Variants in EYS observed in about 807,000 individuals in gnomAD.
EYS encodes protein eyes shut homolog.
Under a neutral mutation model 282.1 loss-of-function variants are expected in EYS, and 250 were observed. The observed-to-expected ratio is 0.89, with a 90% CI of 0.80 to 0.98. The LOEUF (loss-of-function observed/expected upper bound fraction) is 0.98. Among genes scored for constraint, EYS ranks in the 50% least tolerant of loss-of-function variants. EYS has a pLI of 0.00. For missense variants in EYS, 4,016 were observed against 3,709.0 expected (o/e 1.08, Z -2.15); for synonymous variants, 1,355 against 1,282.9 (o/e 1.06, Z -1.20).
At chr6:63,791,647 A>C (rs1770516921) in intron 37 of EYS, among the ~76,000 whole-genome samples, 3 of 152,018 alleles carry the variant, frequency 2.0e-5, no homozygotes, top group African/African-American at 7.2e-5. Flanking sequence ...TGCCTGTGGC[A>C]GGAAAGGAAA....
intron 5 of EYS, among the ~76,000 whole-genome samples, chr6:65,429,471 A>G (rs1767794368): frequency 6.6e-6 from 1 of 152,200 alleles, no homozygotes; most frequent in South Asian, 2.1e-4. Flanking sequence ...TTCATTTCTT[A>G]TAGCCTTATA....
chr6:64,253,178 T>A, intron 30 of EYS, among the ~76,000 whole-genome samples: 1 of 152,282 alleles, frequency 6.6e-6, no homozygotes, highest in East Asian at 1.9e-4. Context: ...TAGTTTAAAT[T>A]AAAATTTAAT....
chr6:65,287,610 C>A (rs1768402007), intron 12 of EYS, among the ~76,000 whole-genome samples: 2 of 150,794 alleles, frequency 1.3e-5, no homozygotes, highest in Admixed American at 6.6e-5. Flanking sequence ...TGGGAGAAAC[C>A]AATTTAGAAT....
intron 12 of EYS, among the ~76,000 whole-genome samples, chr6:65,143,018 A>G (rs1338997125): frequency 2.0e-5 from 3 of 152,034 alleles, no homozygotes; most frequent in African/African-American, 7.2e-5. Context: ...CTGTCCAGAA[A>G]TTCCATTTCT....
chr6:64,936,574 C>T (rs544197832), intron 15 of EYS, among the ~76,000 whole-genome samples: 73 of 151,454 alleles, frequency 4.8e-4, no homozygotes, highest in Non-Finnish European at 8.1e-4. Flanking sequence ...AATAAGTTTA[C>T]TGATGTTGAA....
At chr6:64,661,098 C>G (rs1403272163) in intron 22 of EYS, among the ~76,000 whole-genome samples, 1 of 152,164 alleles carries the variant, frequency 6.6e-6, no homozygotes, top group Non-Finnish European at 1.5e-5. Flanking sequence ...CTACAACCAT[C>G]TGATCTTTGA....
chr6:64,796,799 T>C (rs937286245), intron 22 of EYS, among the ~76,000 whole-genome samples: 1 of 152,158 alleles, frequency 6.6e-6, no homozygotes, highest in Non-Finnish European at 1.5e-5. Context: ...TAGACACCGT[T>C]TAAGCCTCAG....
chr6:65,425,960 T>G (rs1767644657), intron 5 of EYS, among the ~76,000 whole-genome samples: 1 of 152,054 alleles, frequency 6.6e-6, no homozygotes, highest in Non-Finnish European at 1.5e-5. Context: ...GACTTCTTAA[T>G]AAGTCAAACA....
chr6:65,365,610 T>A (rs12213559), intron 8 of EYS, among the ~76,000 whole-genome samples: 1 of 151,242 alleles, frequency 6.6e-6, no homozygotes, highest in Non-Finnish European at 1.5e-5. Context: ...ATGGCCTGTC[T>A]TCCTCAACAT....
intron 31 of EYS, among the ~76,000 whole-genome samples, chr6:64,203,462 G>A (rs1453712731): frequency 1.3e-5 from 2 of 152,160 alleles, no homozygotes; most frequent in African/African-American, 4.8e-5. Flanking sequence ...TGCAGGTCAA[G>A]GGAAGCTTTT....
At chr6:64,450,122 C>T (rs1485626493) in intron 26 of EYS, among the ~76,000 whole-genome samples, 1 of 151,796 alleles carries the variant, frequency 6.6e-6, no homozygotes, top group Admixed American at 6.6e-5. Flanking sequence ...ATCTCGCATG[C>T]AGAGACACAC....
intron 22 of EYS, among the ~76,000 whole-genome samples, chr6:64,728,344 T>A (rs534292809): frequency 1.8e-3 from 269 of 152,348 alleles, no homozygotes; most frequent in Non-Finnish European, 3.2e-3. Flanking sequence ...ATTTATTTTT[T>A]ATTTTTTTGA....
At chr6:65,446,499 T>C (rs1768662965) in intron 5 of EYS, among the ~76,000 whole-genome samples, 1 of 151,854 alleles carries the variant, frequency 6.6e-6, no homozygotes, top group Non-Finnish European at 1.5e-5. Flanking sequence ...CATTGCTGTG[T>C]ACACAGAATT....
Position 64,626,233 on chromosome 6 carries a change from T to C in EYS, c.3456A>G (p.Gly1152=), listed in dbSNP as rs1767605731. Residue 1152 remains glycine (G), a synonymous_variant, in exon 23 of 43, where the codon GGA becomes GGG. Coordinates refer to ENST00000503581, the MANE Select transcript of EYS (RefSeq NM_001142800.2). ...GHTFDCRCLP[G]FSGQFCEINI... Reference sequence around the variant, plus strand: ...TAATTTCACAAAATTGACCAGAAAATCCAGGAAGACATCTAAGGAAAAAAA... The same window carrying C: ...TAATTTCACAAAATTGACCAGAAAACCCAGGAAGACATCTAAGGAAAAAAA... 6.5e-7 allele frequency: 1 copy of C among 1,529,106 alleles called. No individual in the cohort carries two copies. Among genetic ancestry groups the C allele is most frequent in the South Asian group, 1.3e-5 (1 of 77,948 alleles). 94.7% of individuals were successfully genotyped at this position (1,529,106 alleles called of 1,614,324 possible).
chr6:63,757,989 T>C (rs1381836597), intron 41 of EYS, among the ~76,000 whole-genome samples: 2 of 152,182 alleles, frequency 1.3e-5, no homozygotes, highest in Admixed American at 6.5e-5. Flanking sequence ...TGACCTTGAA[T>C]TGTGGACCCA....
At chr6:65,176,393 A>G (rs533784967) in intron 12 of EYS, among the ~76,000 whole-genome samples, 19 of 151,766 alleles carry the variant, frequency 1.3e-4, no homozygotes, top group African/African-American at 4.3e-4. Flanking sequence ...TCCCAGACGA[A>G]AATTAGAAAT....
At chr6:64,459,915 A>G (rs2479668) in intron 26 of EYS, among the ~76,000 whole-genome samples, 160 of 151,754 alleles carry the variant, frequency 1.1e-3, no homozygotes, top group African/African-American at 3.6e-3. Context: ...ACTCAATATT[A>G]ACCATCACAT....
At chr6:64,009,211 A>T (rs1213679656) in intron 33 of EYS, among the ~76,000 whole-genome samples, 3 of 150,706 alleles carry the variant, frequency 2.0e-5, no homozygotes, top group Non-Finnish European at 4.4e-5. Flanking sequence ...ATTTTGAAGA[A>T]CTGGTCTTCG....
intron 13 of EYS, among the ~76,000 whole-genome samples, chr6:65,042,058 T>C (rs1366046266): frequency 6.6e-6 from 1 of 151,736 alleles, no homozygotes; most frequent in Admixed American, 6.6e-5. Context: ...CTGCATATTG[T>C]ATGCATGGTT....
Sources: gnomAD v4.1 joint callset for allele counts (sites outside exome capture counted in the v4.1 genomes callset) on GRCh38, gnomAD v4.1.1 for gene constraint, MANE v1.5 for transcripts, NCBI Gene and HGNC (gene_info 2026-07-23, HGNC 2026-07-21) for gene names.